The following WDR41 variants were observed in gnomAD, a reference collection of about 807,000 sequenced individuals.
WDR41 encodes WD repeat-containing protein 41.
A neutral mutation model predicts 69.3 loss-of-function variants in WDR41; 63 were observed. The ratio of observed to expected loss-of-function variants is 0.91; its 90% confidence interval spans 0.74 to 1.12. The LOEUF (loss-of-function observed/expected upper bound fraction) is 1.12. WDR41 is among the 50% of genes most tolerant of loss of function. WDR41 has a pLI of 0.00. For missense variants in WDR41, 543 were observed against 534.5 expected, an observed-to-expected ratio of 1.02 and a Z score of -0.16; for synonymous variants, 185 against 192.1, an observed-to-expected ratio of 0.96 and a Z score of 0.31.
intron 6 of WDR41, chr5:77,452,126 A>G (rs1466617431): frequency 6.6e-6 from 1 of 152,124 alleles, no homozygotes; most frequent in Non-Finnish European, 1.5e-5. Context: ...CCATCCATCA[A>G]AGGACTGACT....
chr5:77,498,587 G>C (rs1302227819), intron 1 of WDR41, among the ~76,000 whole-genome samples: 1 of 152,114 alleles, frequency 6.6e-6, no homozygotes, highest in Non-Finnish European at 1.5e-5. Flanking sequence ...GGGAGGCTGA[G>C]GTAGGAGGAT....
At chr5:77,506,511 A>G (rs1802110763) in intron 1 of WDR41, among the ~76,000 whole-genome samples, 2 of 152,210 alleles carry the variant, frequency 1.3e-5, no homozygotes, top group African/African-American at 4.8e-5. Context: ...TAGAAACACC[A>G]TTTGACCCAG....
At chr5:77,471,484 C>T (rs1221775382) in intron 2 of WDR41, among the ~76,000 whole-genome samples, 14 of 151,890 alleles carry the variant, frequency 9.2e-5, no homozygotes, top group Admixed American at 2.0e-4. Flanking sequence ...TAATGAATCC[C>T]GGAACCGGTT....
intron 2 of WDR41, among the ~76,000 whole-genome samples, chr5:77,485,938 A>G (rs1465211779): frequency 6.6e-6 from 1 of 152,160 alleles, no homozygotes; most frequent in Non-Finnish European, 1.5e-5. Flanking sequence ...CTGGATTATA[A>G]CAGCTGACCA....
At chr5:77,518,830 A>G (rs999908696) in intron 1 of WDR41, among the ~76,000 whole-genome samples, 5 of 152,092 alleles carry the variant, frequency 3.3e-5, no homozygotes, top group Admixed American at 1.3e-4. Context: ...CTAAATAAAT[A>G]TATATGAGCA....
intron 2 of WDR41, among the ~76,000 whole-genome samples, chr5:77,485,636 G>A (rs973200220): frequency 6.6e-6 from 1 of 152,168 alleles, no homozygotes; most frequent in Non-Finnish European, 1.5e-5. Flanking sequence ...AAACGCTAGA[G>A]TATTACATGA....
At chr5:77,449,904 A>C in intron 7 of WDR41, 34 bp from the exon 8 acceptor site, 1 of 1,401,884 alleles carries the variant, frequency 7.1e-7, no homozygotes, top group Non-Finnish European at 1.0e-6. Flanking sequence ...TTTTATTACA[A>C]TGCTCTAAGA....
In WDR41 at chr5:77,459,135, G is replaced by C; in HGVS notation, c.349-11C>G. The C allele has an allele frequency of 6.4e-7, 1 of 1,566,842 alleles. No homozygotes were observed. Among genetic ancestry groups the C allele is most frequent in the Non-Finnish European group, 8.7e-7 (1 of 1,145,720 alleles). On this transcript the variant is annotated splice_polypyrimidine_tract_variant and intron_variant, in intron 4 of 12. Coordinates refer to ENST00000296679, the MANE Select transcript of WDR41 (RefSeq NM_018268.4). ...ATCACCATCCCACACCTAAATTTAT[G>C]TTAAGAAATAATTTCTAAACAGAAT...
At chr5:77,559,053 C>T (rs1398110831) in intron 1 of WDR41, among the ~76,000 whole-genome samples, 2 of 152,040 alleles carry the variant, frequency 1.3e-5, no homozygotes, top group Non-Finnish European at 2.9e-5. Context: ...TAGGAGAGCT[C>T]AAGAATAAAT....
At chr5:77,470,660 C>A (rs1032828492) in intron 2 of WDR41, among the ~76,000 whole-genome samples, 1 of 152,066 alleles carries the variant, frequency 6.6e-6, no homozygotes, top group African/African-American at 2.4e-5. Context: ...TTTAAACCAA[C>A]AAAGATCAAA....
chr5:77,543,111 AC>A (rs1362224552), intron 1 of WDR41, among the ~76,000 whole-genome samples: 2 of 152,214 alleles, frequency 1.3e-5, no homozygotes, highest in Non-Finnish European at 2.9e-5. Flanking sequence ...AGGGGAGAGT[AC>A]TACATCAAGG....
chr5:77,529,056 T>A (rs967924133), intron 1 of WDR41, among the ~76,000 whole-genome samples: 1 of 151,252 alleles, frequency 6.6e-6, no homozygotes, highest in Non-Finnish European at 1.5e-5. Context: ...AAGAAAAAAA[T>A]TAAAATGTAT....
intron 2 of WDR41, 55 bp from the exon 3 acceptor site, chr5:77,464,864 A>C (rs1800235919): frequency 6.4e-7 from 1 of 1,556,218 alleles, no homozygotes; most frequent in East Asian, 2.2e-5. Flanking sequence ...TTTAATTACT[A>C]AGATTAAGAA....
At chr5:77,438,167 T>A (rs1000911906) in intron 10 of WDR41, 73 bp downstream of exon 10, 39 of 1,580,348 alleles carry the variant, frequency 2.5e-5, no homozygotes, top group Non-Finnish European at 3.0e-5. Flanking sequence ...CTTGGCCACT[T>A]GAGAAATTAC....
intron 1 of WDR41, among the ~76,000 whole-genome samples, chr5:77,516,404 C>G (rs1016294519): frequency 1.3e-5 from 2 of 152,072 alleles, no homozygotes; most frequent in African/African-American, 4.8e-5. Flanking sequence ...TATACTTTTT[C>G]CGTAACTAAT....
In WDR41 at chr5:77,437,476, A is replaced by G. The variant is rs556974120; in HGVS notation, c.1005-52T>C. 73 of 1,487,112 alleles carry G rather than the reference A, an allele frequency of 4.9e-5. No homozygotes were observed. In the Admixed American group the frequency reaches 1.2e-3, roughly 24 times the overall value. 92.1% of individuals were successfully genotyped at this position (1,487,112 alleles called of 1,614,324 possible). On this transcript the variant is annotated intron_variant, in intron 10 of 12. Transcript: ENST00000296679. ...AAAAAGAGCGCACCACTGAGGGCCAATGCTAAATTTGCAGTGAAAGAAATC... is the reference window on the plus strand; with the variant it reads ...AAAAAGAGCGCACCACTGAGGGCCAGTGCTAAATTTGCAGTGAAAGAAATC...
chr5:77,509,540 C>A (rs1431445594), intron 1 of WDR41, among the ~76,000 whole-genome samples: 1 of 152,148 alleles, frequency 6.6e-6, no homozygotes, highest in Non-Finnish European at 1.5e-5. Context: ...AGTACTGACA[C>A]AGGCTGCGAC....
At chr5:77,512,745 C>CAAAAAAA (rs71606301) in intron 1 of WDR41, among the ~76,000 whole-genome samples, 16 of 74,078 alleles carry the variant, frequency 2.2e-4, no homozygotes, top group African/African-American at 7.2e-4. Context: ...GACTCCATCT[C>CAAAAAAA]AAAAAAAAAA....
At position 77,465,368 on chromosome 5, in the gene WDR41, G is replaced by A. The variant is rs1188992839; in HGVS notation, c.168-559C>T. Among the ~76,000 whole-genome samples the A allele has an allele frequency of 3.3e-5, 5 of 152,052 alleles. No individual in the cohort carries two copies. The East Asian group carries it at 9.7e-4, about 29-fold the overall frequency. On this transcript the variant is annotated intron_variant, in intron 2 of 12. Coordinates refer to ENST00000296679, the MANE Select transcript of WDR41 (RefSeq NM_018268.4). ...AAGATGCTTGAAATGCACAGGTAAA[G>A]CTTGTCTTATGGCATGAAAAATGAG...
Sources: gnomAD v4.1 joint callset for allele counts (sites outside exome capture counted in the v4.1 genomes callset) on GRCh38, gnomAD v4.1.1 for gene constraint, MANE v1.5 for transcripts, NCBI Gene and HGNC (gene_info 2026-07-23, HGNC 2026-07-21) for gene names.